PLTP: variants seen among roughly 807,000 people sequenced by gnomAD.
The protein encoded by PLTP is phospholipid transfer protein.
Under a neutral mutation model 54.1 loss-of-function variants are expected in PLTP, and 43 were observed. That is an observed-to-expected ratio of 0.79 (90% confidence interval 0.62 to 1.02). PLTP has a LOEUF of 1.02. Among genes scored for constraint, PLTP ranks in the 50% least tolerant of loss-of-function variants. The probability of loss-of-function intolerance (pLI) is 0.00; values close to 1 mark genes in which losing one functional copy is unlikely to be tolerated. For missense variants in PLTP, 604 were observed against 645.9 expected, an observed-to-expected ratio of 0.94 and a Z score of 0.70; for synonymous variants, 263 against 264.6, an observed-to-expected ratio of 0.99 and a Z score of 0.06.
At chr20:45,908,751 G>A (rs777212065) in intron 5 of PLTP, among the ~76,000 whole-genome samples, 4 of 151,960 alleles carry the variant, frequency 2.6e-5, no homozygotes, top group Non-Finnish European at 5.9e-5. Flanking sequence ...GCAGTAAACC[G>A]AGATGGCGCC....
In PLTP at chr20:45,899,769, GA is replaced by G. The variant is rs1308340220; in HGVS notation, c.1218+66del. 23 of 1,597,376 alleles carry G rather than the reference GA, an allele frequency of 1.4e-5. No homozygotes were observed. The African/African-American group carries it at 1.6e-4, about 11-fold the overall frequency. Reference sequence around the variant, plus strand: ...GCCCGCAGGTGAGCAGTTATATGAGGAGGGGGGGATGGTGAGGGTCAGGATC... The same window carrying G: ...GCCCGCAGGTGAGCAGTTATATGAGGGGGGGGGATGGTGAGGGTCAGGATC... On this transcript the variant is annotated intron_variant, in intron 13 of 15. Transcript: ENST00000372431.
Position 45,911,050 on chromosome 20 carries a change from A to G in PLTP, c.200+102T>C, listed in dbSNP as rs1600484480. Reference sequence around the variant, plus strand: ...TGCCTCATCGATTTGGCCACGCCCCATCCCACTCAGCCTCCAGTCTCCCGA... The same window carrying G: ...TGCCTCATCGATTTGGCCACGCCCCGTCCCACTCAGCCTCCAGTCTCCCGA... On this transcript the variant is annotated intron_variant, in intron 3 of 15. Coordinates refer to ENST00000372431, the MANE Select transcript of PLTP (RefSeq NM_006227.4). 1.9e-6 allele frequency: 3 copies of G among 1,609,146 alleles called. No individual in the cohort carries two copies. The East Asian group carries it at 6.7e-5, about 36-fold the overall frequency.
At chr20:45,909,786 C>T in intron 4 of PLTP, 115 bp from the exon 5 acceptor site, 3 of 1,448,786 alleles carry the variant, frequency 2.1e-6, no homozygotes, top group Non-Finnish European at 2.9e-6. Context: ...TCCTACCAAA[C>T]CTTCCTATCA....
At chr20:45,908,881 A>T (rs2083263954) in intron 5 of PLTP, among the ~76,000 whole-genome samples, 1 of 152,080 alleles carries the variant, frequency 6.6e-6, no homozygotes, top group African/African-American at 2.4e-5. Context: ...AAATGTGCAT[A>T]TCAGATAGTC....
At chr20:45,908,560 T>TA (rs1433235587) in intron 5 of PLTP, among the ~76,000 whole-genome samples, 4 of 151,990 alleles carry the variant, frequency 2.6e-5, no homozygotes, top group Non-Finnish European at 4.4e-5. Context: ...AGCACTTTGG[T>TA]AGGCCGAGGC....
At position 45,902,257 on chromosome 20, in the gene PLTP, G is replaced by A. The variant is rs778571774; in HGVS notation, c.1175+10C>T. 52 of 1,613,208 alleles carry A rather than the reference G, an allele frequency of 3.2e-5. No individual in the cohort carries two copies. The highest frequency in any genetic ancestry group is 1.7e-4 in the Admixed American group (10 of 59,986). ...CAATCACTGAGGTGCAGGGAAGTGC[G>A]CCTGCCTACCTGCGCAGGTCCAGCT... is the stretch of plus-strand genomic sequence containing the variant. On this transcript the variant is annotated intron_variant, in intron 12 of 15. Coordinates refer to ENST00000372431, the MANE Select transcript of PLTP (RefSeq NM_006227.4).
rs776922234 is a variant in PLTP at position 45,911,127 on chromosome 20, T to A, written c.200+25A>T. 1.6e-5 allele frequency: 26 copies of A among 1,609,702 alleles called. No individual in the cohort carries two copies. In the South Asian group the frequency reaches 1.9e-4, roughly 12 times the overall value. ...TCCACCGCCGAGGCCCCGCCCCGGA[T>A]CGCGAGGCCCCGCCCCCCACTTACT... is the stretch of plus-strand genomic sequence containing the variant. On this transcript the variant is annotated intron_variant, in intron 3 of 15. Transcript: ENST00000372431.
chr20:45,910,845 T>A (rs919484813), intron 3 of PLTP: 25 of 1,277,710 alleles, frequency 2.0e-5, no homozygotes, highest in Non-Finnish European at 2.5e-5. Flanking sequence ...TCCACTCTCA[T>A]CTATTGGGAA....
chr20:45,906,676 G>A (rs1299929239), intron 7 of PLTP, among the ~76,000 whole-genome samples: 1 of 151,896 alleles, frequency 6.6e-6, no homozygotes, highest in Non-Finnish European at 1.5e-5. Context: ...GATCACCTGA[G>A]GTCAGGTGTT....
In PLTP at chr20:45,899,049, G is replaced by C; in HGVS notation, c.1374C>G (p.Ile458Met). 6.2e-7 allele frequency: 1 copy of C among 1,614,218 alleles called. No homozygotes were observed. Among genetic ancestry groups the C allele is most frequent in the South Asian group, 1.1e-5 (1 of 91,086 alleles). ...CTTTGGCAAAGTGGAGATCAGCCCC[G>C]ATGGTGAGGAATCCCTGTGTTGGGG... ...VVTNHAGFLT[I>M]GADLHFAKGL... Residue 458 changes from isoleucine to methionine, a missense_variant, in exon 16 of 16, where the codon ATC becomes ATG. Ile to Met is a conservative substitution (Grantham distance 10, BLOSUM62 1). Transcript: ENST00000372431.
Position 45,902,424 on chromosome 20 carries a change from A to G in PLTP, c.1107+16T>C, listed in dbSNP as rs193100095. On this transcript the variant is annotated intron_variant, in intron 11 of 15. Transcript: ENST00000372431. ...CCCTGACCCCCAGCCAGCAGCCCCC[A>G]CTCTGGGACCCGTACCATAGTCATG... 7 of 1,613,842 alleles carry G rather than the reference A, an allele frequency of 4.3e-6. No homozygotes were observed. In the Admixed American group the frequency reaches 1.2e-4, roughly 27 times the overall value.
At chr20:45,899,927 T>C in intron 12 of PLTP, 49 bp from the exon 13 acceptor site, 1 of 1,495,620 alleles carries the variant, frequency 6.7e-7, no homozygotes, top group South Asian at 1.2e-5. Flanking sequence ...GAAGCTCCCC[T>C]TCCTCAGGCC....
Position 45,898,846 on chromosome 20 carries a change from G to A in PLTP, c.*95C>T. The A allele has an allele frequency of 1.4e-6, 2 of 1,395,066 alleles. No individual in the cohort carries two copies. The highest frequency in any genetic ancestry group is 4.8e-5 in the East Asian group (2 of 41,364). The allele number at this position is 1,395,066 out of a possible 1,614,324, so 86.4% of individuals were successfully genotyped here. On this transcript the variant is annotated 3_prime_UTR_variant, in exon 16 of 16. Coordinates refer to ENST00000372431, the MANE Select transcript of PLTP (RefSeq NM_006227.4). This position sits in a 1 kb window ranked among gnomAD's most constrained non-coding sequence, Gnocchi z 4.6. The stretch of plus-strand genomic sequence containing the variant: ...TCCCGTCTTCTCTGTGGCACTGGGG[G>A]TTAGAGGGGGCACTACAGGCTATGA...
Position 45,898,847 on chromosome 20 carries a change from T to C in PLTP, c.*94A>G. The stretch of plus-strand genomic sequence containing the variant: ...CCCGTCTTCTCTGTGGCACTGGGGG[T>C]TAGAGGGGGCACTACAGGCTATGAA... On this transcript the variant is annotated 3_prime_UTR_variant, in exon 16 of 16. Transcript: ENST00000372431. This position sits in a 1 kb window ranked among gnomAD's most constrained non-coding sequence, Gnocchi z 4.6. 2 of 1,395,554 alleles carry C rather than the reference T, an allele frequency of 1.4e-6. No homozygotes were observed. The highest frequency in any genetic ancestry group is 2.0e-6 in the Non-Finnish European group (2 of 1,016,430). 86.4% of individuals were successfully genotyped at this position (1,395,554 alleles called of 1,614,324 possible). A position where few individuals can be genotyped will look rare whatever the true frequency, so the allele number is the denominator to read the frequency against.
In PLTP at chr20:45,898,820, A is replaced by G. The variant is rs368532767; in HGVS notation, c.*121T>C. On this transcript the variant is annotated 3_prime_UTR_variant, in exon 16 of 16. Transcript: ENST00000372431. The surrounding 1 kb of genome is among the most constrained non-coding windows in gnomAD (Gnocchi z 4.6). ...GGAATTAAATTGGGTACAGCTTCAA[A>G]TCCCGTCTTCTCTGTGGCACTGGGG... The G allele has an allele frequency of 1.2e-5, 14 of 1,153,500 alleles. No individual in the cohort carries two copies. In the Middle Eastern group the frequency reaches 2.8e-3, roughly 231 times the overall value. 71.5% of individuals were successfully genotyped at this position (1,153,500 alleles called of 1,614,324 possible).
At chr20:45,904,615 A>G (rs974441917) in intron 10 of PLTP, among the ~76,000 whole-genome samples, 185 bp downstream of exon 10, 2 of 145,672 alleles carry the variant, frequency 1.4e-5, no homozygotes, top group Admixed American at 1.3e-4. Context: ...GAGATGGGGC[A>G]GGAAGGAGCA....
intron 3 of PLTP, 21 bp from the exon 4 acceptor site, chr20:45,910,091 A>C (rs752245346): frequency 8.7e-6 from 14 of 1,613,250 alleles, no homozygotes; most frequent in Non-Finnish European, 1.2e-5. Context: ...CCTCAGGGTC[A>C]GATCCAGGGC....
intron 5 of PLTP, 88 bp from the exon 6 acceptor site, chr20:45,907,992 G>T: frequency 8.7e-7 from 1 of 1,147,682 alleles, no homozygotes; most frequent in Non-Finnish European, 1.3e-6. Context: ...GGGAAATAGT[G>T]GCAGTAGGAG....
In PLTP at chr20:45,903,854, AG is replaced by A. The variant is rs373855648; in HGVS notation, c.942+945del. Among the ~76,000 whole-genome samples, 580 of 151,870 alleles carry A rather than the reference AG, an allele frequency of 3.8e-3. 6 individuals are homozygous for A. Among genetic ancestry groups the A allele is most frequent in the Non-Finnish European group, 4.5e-3 (309 of 67,926 alleles). On this transcript the variant is annotated intron_variant, in intron 10 of 15. Coordinates refer to ENST00000372431, the MANE Select transcript of PLTP (RefSeq NM_006227.4). The stretch of plus-strand genomic sequence containing the variant: ...ACTTTGTCCCCCCACCGAAAAAAAA[AG>A]ATCTGACTAAAAATTTATTTTTCAA...
Sources: gnomAD v4.1 joint callset for allele counts (sites outside exome capture counted in the v4.1 genomes callset) on GRCh38, gnomAD v4.1.1 for gene constraint, Gnocchi (gnomAD v3.1) non-coding constraint, MANE v1.5 for transcripts, NCBI Gene and HGNC (gene_info 2026-07-23, HGNC 2026-07-21) for gene names.